Variants in RFX7 observed in about 807,000 individuals in gnomAD.
RFX7 encodes the protein regulatory factor X7.
RFX7 carries 26 observed loss-of-function variants against 111.8 expected under a neutral mutation model. The observed-to-expected ratio is 0.23, with a 90% CI of 0.17 to 0.32. The LOEUF (loss-of-function observed/expected upper bound fraction) is 0.32, where lower values mean the gene tolerates loss of function less well. Among genes scored for constraint, RFX7 ranks in the 10% least tolerant of loss-of-function variants. RFX7 has a pLI of 1.00. For synonymous variants in RFX7, 624 were observed against 624.4 expected, an observed-to-expected ratio of 1.00 and a Z score of 0.01; for missense variants, 1,573 against 1,772.9, an observed-to-expected ratio of 0.89 and a Z score of 2.02.
chr15:56,207,199 T>C (rs1258778286), intron 2 of RFX7, among the ~76,000 whole-genome samples: 6 of 152,178 alleles, frequency 3.9e-5, no homozygotes, highest in Non-Finnish European at 8.8e-5. Context: ...CTGTAAGATT[T>C]CACTTTCATG....
intron 2 of RFX7, among the ~76,000 whole-genome samples, chr15:56,217,148 A>G (rs1204028578): frequency 6.6e-6 from 1 of 152,202 alleles, no homozygotes; most frequent in African/African-American, 2.4e-5. Flanking sequence ...ACTATAATAC[A>G]TTCATTTTGC....
intron 3 of RFX7, among the ~76,000 whole-genome samples, chr15:56,177,942 T>A (rs1484359383): frequency 1.3e-5 from 2 of 152,064 alleles, no homozygotes; most frequent in Non-Finnish European, 2.9e-5. Context: ...CTTGAATATA[T>A]CTCTCTATAA....
chr15:56,174,286 A>C (rs1291680928), intron 3 of RFX7, among the ~76,000 whole-genome samples: 2 of 152,126 alleles, frequency 1.3e-5, no homozygotes, highest in African/African-American at 4.8e-5. Context: ...CTCAAAAAAA[A>C]CCCAAAAAGT....
Position 56,187,044 on chromosome 15 carries a change from C to G in RFX7, c.162-7741G>C, listed in dbSNP as rs57569258. ...TCAATTAAAATAATGCTTCAGTGTT[C>G]TGCTTCAGATAACGACAAGTTAACA... On this transcript the variant is annotated intron_variant, in intron 2 of 9. Transcript: ENST00000559447. Among the ~76,000 whole-genome samples, 784 of 152,192 alleles carry G rather than the reference C, an allele frequency of 5.2e-3. 12 individuals carry two copies. The highest frequency in any genetic ancestry group is 0.018 in the African/African-American group (757 of 41,534).
Position 56,169,240 on chromosome 15 carries a change from T to C in RFX7, c.195+10030A>G, listed in dbSNP as rs147769356. On this transcript the variant is annotated intron_variant, in intron 3 of 9. Coordinates refer to ENST00000559447, the MANE Select transcript of RFX7 (RefSeq NM_022841.7). The stretch of plus-strand genomic sequence containing the variant: ...CACCTTCCAGTTTCTTGGATGGCTT[T>C]AGCCAGGTGATTCCAAACTTTCTCC... Among the ~76,000 whole-genome samples, 428 of 152,326 alleles carry C rather than the reference T, an allele frequency of 2.8e-3. 1 individual carries two copies. Among genetic ancestry groups the C allele is most frequent in the Non-Finnish European group, 5.1e-3 (350 of 68,028 alleles).
upstream of RFX7, chr15:56,244,046 C>G (rs1269454922): frequency 6.6e-6 from 1 of 151,260 alleles, no homozygotes; most frequent in East Asian, 1.9e-4. Flanking sequence ...GGGAGGAGTC[C>G]GGCCCGGCTG....
chr15:56,231,102 G>T (rs1161736388), intron 2 of RFX7, among the ~76,000 whole-genome samples: 1 of 152,166 alleles, frequency 6.6e-6, no homozygotes, highest in Non-Finnish European at 1.5e-5. Context: ...GATGCCTGAG[G>T]GACTGAAGTG....
At chr15:56,128,756 A>G (rs1244044455) in intron 5 of RFX7, among the ~76,000 whole-genome samples, 1 of 152,194 alleles carries the variant, frequency 6.6e-6, no homozygotes. Context: ...CAGATTAGAA[A>G]GGAAGAGGTA....
rs190730400 is a variant in RFX7 at position 56,207,225 on chromosome 15, T to A, written c.162-27922A>T. On this transcript the variant is annotated intron_variant, in intron 2 of 9. Coordinates refer to ENST00000559447, the MANE Select transcript of RFX7 (RefSeq NM_022841.7). ...CACTTTCATGAGGTACCTAGAGTAG[T>A]GAAATTCTGAGATAGAAAGTAGAAC... 6.3e-3 allele frequency among the ~76,000 whole-genome samples: 961 copies of A among 152,194 alleles called. 8 individuals are homozygous for A. Among genetic ancestry groups the A allele is most frequent in the South Asian group, 0.017 (83 of 4,828 alleles).
intron 2 of RFX7, among the ~76,000 whole-genome samples, chr15:56,217,497 T>C (rs192846441): frequency 6.6e-6 from 1 of 152,172 alleles, no homozygotes; most frequent in East Asian, 1.9e-4. Flanking sequence ...ATACTCTGAA[T>C]TTGTGTGATT....
chr15:56,194,103 T>C (rs1348838161), intron 2 of RFX7, among the ~76,000 whole-genome samples: 1 of 152,104 alleles, frequency 6.6e-6, no homozygotes, highest in East Asian at 1.9e-4. Flanking sequence ...TTTCAGAAAC[T>C]TTCCCCAGTT....
Position 56,100,382 on chromosome 15 carries a change from G to C in RFX7, c.811+977C>G, listed in dbSNP as rs535444275. ...AAAAACTCTGTGACACTCTTTTTCT[G>C]AAATGGGTCTTCAATTGACCACAAA... On this transcript the variant is annotated intron_variant, in intron 8 of 9. Transcript: ENST00000559447. Among the ~76,000 whole-genome samples the C allele has an allele frequency of 1.5e-3, 232 of 152,194 alleles. 1 individual carries two copies. The highest frequency in any genetic ancestry group is 5.4e-3 in the African/African-American group (224 of 41,534).
intron 5 of RFX7, among the ~76,000 whole-genome samples, chr15:56,125,103 AAG>A (rs2042125730): frequency 6.6e-6 from 1 of 152,176 alleles, no homozygotes; most frequent in Non-Finnish European, 1.5e-5. Flanking sequence ...CCATTTATTG[AAG>A]AGACTGTCCT....
intron 2 of RFX7, among the ~76,000 whole-genome samples, chr15:56,213,116 T>C (rs897326208): frequency 5.3e-5 from 8 of 152,230 alleles, no homozygotes; most frequent in Non-Finnish European, 1.5e-5. Flanking sequence ...TGCTATCCTT[T>C]AGGAAATTAA....
At chr15:56,223,230 AG>A (rs2043445104) in intron 2 of RFX7, among the ~76,000 whole-genome samples, 1 of 152,192 alleles carries the variant, frequency 6.6e-6, no homozygotes. Flanking sequence ...ATTCAGTTAA[AG>A]ATTCAGAATG....
At chr15:56,136,412 CTGTT>C (rs762414478) in intron 5 of RFX7, among the ~76,000 whole-genome samples, 6 of 146,394 alleles carry the variant, frequency 4.1e-5, no homozygotes, top group Admixed American at 1.4e-4. Flanking sequence ...ATTTGGCTCT[CTGTT>C]TGTCTGTTGC....
chr15:56,173,007 A>G (rs1328418926), intron 3 of RFX7, among the ~76,000 whole-genome samples: 2 of 152,228 alleles, frequency 1.3e-5, no homozygotes, highest in Non-Finnish European at 2.9e-5. Context: ...AAAAGAAAAA[A>G]ACAAATGAGA....
chr15:56,217,635 A>T (rs2043376383), intron 2 of RFX7, among the ~76,000 whole-genome samples: 1 of 152,216 alleles, frequency 6.6e-6, no homozygotes, highest in African/African-American at 2.4e-5. Context: ...AAATGTTTTA[A>T]CTTATGAGTC....
intron 2 of RFX7, among the ~76,000 whole-genome samples, chr15:56,215,138 G>A (rs1354644990): frequency 6.6e-6 from 1 of 152,134 alleles, no homozygotes; most frequent in Non-Finnish European, 1.5e-5. Context: ...CACAGTATTT[G>A]CATATAACCT....
Sources: allele counts gnomAD v4.1 joint callset (sites outside exome capture counted in the v4.1 genomes callset), GRCh38; gene constraint gnomAD v4.1.1; transcripts MANE v1.5; gene names NCBI Gene and HGNC (gene_info 2026-07-23, HGNC 2026-07-21).